The following SBNO1 variants were observed in gnomAD, a reference collection of about 807,000 sequenced individuals.
The protein encoded by SBNO1 is strawberry notch homolog 1.
In SBNO1, 23 loss-of-function variants were observed where a neutral mutation model predicts 173.6. That is an observed-to-expected ratio of 0.13 (90% CI 0.10 to 0.19). The LOEUF (loss-of-function observed/expected upper bound fraction) is 0.19. Among genes scored for constraint, SBNO1 ranks in the 10% least tolerant of loss-of-function variants. SBNO1 has a pLI of 1.00. For missense variants in SBNO1, 1,238 were observed against 1,671.2 expected, an observed-to-expected ratio of 0.74 and a Z score of 4.52; for synonymous variants, 632 against 571.5, an observed-to-expected ratio of 1.11 and a Z score of -1.51.
At chr12:123,340,016 A>G (rs898338673) in intron 5 of SBNO1, among the ~76,000 whole-genome samples, 1 of 152,136 alleles carries the variant, frequency 6.6e-6, no homozygotes, top group African/African-American at 2.4e-5. Flanking sequence ...CATAAAGTCC[A>G]CCAGGCCACT....
At chr12:123,362,252 T>C (rs558781053) in intron 1 of SBNO1, among the ~76,000 whole-genome samples, 6 of 151,098 alleles carry the variant, frequency 4.0e-5, no homozygotes, top group South Asian at 4.2e-4. Context: ...CTGGCTAACA[T>C]GGTGAAACCC....
rs1181185383 is a variant in SBNO1 at position 123,289,493 on chromosome 12, T to G, written c.*6415A>C. The G allele has an allele frequency of 2.6e-5, 4 of 152,218 alleles. No individual in the cohort carries two copies. Among genetic ancestry groups the G allele is most frequent in the Non-Finnish European group, 5.9e-5 (4 of 68,050 alleles). 9.4% of individuals were successfully genotyped at this position (152,218 alleles called of 1,614,324 possible). A position where few individuals can be genotyped will look rare whatever the true frequency, so the allele number is the denominator to read the frequency against. ...AATGAAAACACACCAAGAGCTGACA[T>G]CCACCTTTGTTTCAAGTTGTCTTTG... On this transcript the variant is annotated 3_prime_UTR_variant, in exon 32 of 32. Transcript: ENST00000602398.
rs143840613 is a variant in SBNO1 at position 123,345,413 on chromosome 12, G to C, written c.395C>G (p.Pro132Arg). 1 of 1,614,132 alleles carries C rather than the reference G, an allele frequency of 6.2e-7. No homozygotes were observed. The highest frequency in any genetic ancestry group is 1.6e-4 in the Middle Eastern group (1 of 6,062). ...TCGTACTGTTGGTGCTGAGACTGAC[G>C]GGCGTGTGCTTGCAGTAGTCTGGAT... ...KFIQTTASTR[P>R]SVSAPTVRNA... The change falls in exon 4 of 32, where the codon CCG (proline) becomes CGG (arginine). Residue 132 changes from proline (P) to arginine (R), a missense_variant. Pro to Arg is a moderately radical substitution (Grantham distance 103). Transcript: ENST00000602398.
intron 3 of SBNO1, among the ~76,000 whole-genome samples, chr12:123,347,169 T>G (rs1054901750): frequency 4.0e-5 from 6 of 151,596 alleles, no homozygotes; most frequent in Non-Finnish European, 8.8e-5. Flanking sequence ...AAAGCAGAAC[T>G]AGAGAGAGAA....
chr12:123,315,584 T>C lies in SBNO1; in HGVS notation c.3012A>G (p.Arg1004=). ...FLISELAGEQ[R]FASIVAKRLE... Reference sequence around the variant, plus strand: ...GTCTTTTAGCAACAATAGATGCAAATCTTTGTTCTCCTGCCAGTTCAGATA... The same window carrying C: ...GTCTTTTAGCAACAATAGATGCAAACCTTTGTTCTCCTGCCAGTTCAGATA... Residue 1004 remains arginine (R), a synonymous_variant, in exon 22 of 32, where the codon AGA becomes AGG. Coordinates refer to ENST00000602398, the MANE Select transcript of SBNO1 (RefSeq NM_001167856.3). 1 of 1,613,830 alleles carries C rather than the reference T, an allele frequency of 6.2e-7. No homozygotes were observed. Among genetic ancestry groups the C allele is most frequent in the Non-Finnish European group, 8.5e-7 (1 of 1,179,776 alleles).
chr12:123,320,941 G>A (rs2138966193), intron 17 of SBNO1, 75 bp from the exon 18 acceptor site: 1 of 1,230,306 alleles, frequency 8.1e-7, no homozygotes, highest in African/African-American at 1.5e-5. Context: ...AACAACCTTT[G>A]AAATTTTATT....
intron 23 of SBNO1, among the ~76,000 whole-genome samples, chr12:123,314,932 G>A (rs946381125): frequency 6.9e-6 from 1 of 144,472 alleles, no homozygotes; most frequent in Non-Finnish European, 1.5e-5. Context: ...TAGTACAGAT[G>A]TGGTTGCACC....
In SBNO1 at chr12:123,336,509, C is replaced by G; in HGVS notation, c.652-18G>C. The G allele has an allele frequency of 6.5e-7, 1 of 1,532,120 alleles. No homozygotes were observed. Among genetic ancestry groups the G allele is most frequent in the South Asian group, 1.2e-5 (1 of 86,318 alleles). The allele number at this position is 1,532,120 out of a possible 1,614,324, so 94.9% of individuals were successfully genotyped here. A position where few individuals can be genotyped will look rare whatever the true frequency, so the allele number is the denominator to read the frequency against. On this transcript the variant is annotated intron_variant, in intron 5 of 31. Transcript: ENST00000602398. ...GGAACCTTCTGCAACACAGAAAGAGCACAATCAATCCCAAATCCAGGGACC... is the reference window on the plus strand; with the variant it reads ...GGAACCTTCTGCAACACAGAAAGAGGACAATCAATCCCAAATCCAGGGACC...
At position 123,289,115 on chromosome 12, in the gene SBNO1, GTATT is replaced by G. The variant is rs2048474974; in HGVS notation, c.*6789_*6792del. ...GCAAAGAAAGCACAACCCGTGACTC[GTATT>G]TAATTTATTTAGAATCTTACAAAAA... On this transcript the variant is annotated 3_prime_UTR_variant, in exon 32 of 32. Coordinates refer to ENST00000602398, the MANE Select transcript of SBNO1 (RefSeq NM_001167856.3). 3.3e-5 allele frequency: 5 copies of G among 152,026 alleles called. No individual in the cohort carries two copies. In the South Asian group the frequency reaches 6.3e-4, roughly 19 times the overall value. 9.4% of individuals were successfully genotyped at this position (152,026 alleles called of 1,614,324 possible). A position where few individuals can be genotyped will look rare whatever the true frequency, so the allele number is the denominator to read the frequency against.
At chr12:123,331,207 T>C (rs2139003345) in intron 8 of SBNO1, 35 bp downstream of exon 8, 1 of 1,606,020 alleles carries the variant, frequency 6.2e-7, no homozygotes, top group Non-Finnish European at 8.5e-7. Context: ...CGTGATCCGC[T>C]GCGCCTGGCC....
rs550562237 is a variant in SBNO1, at chr12:123,356,924, T to G, written c.1-6483A>C. Among the ~76,000 whole-genome samples, 24 of 152,310 alleles carry G rather than the reference T, an allele frequency of 1.6e-4. No individual in the cohort carries two copies. In the South Asian group the frequency reaches 4.6e-3, roughly 29 times the overall value. On this transcript the variant is annotated intron_variant, in intron 1 of 31. Transcript: ENST00000602398. ...AATAACAAAAAGGATTTTTTTCTCC[T>G]TAGAGTGCTAAGCATGTCTGATTCG...
intron 16 of SBNO1, among the ~76,000 whole-genome samples, chr12:123,323,318 T>A (rs1870223250): frequency 6.6e-6 from 1 of 152,214 alleles, no homozygotes; most frequent in African/African-American, 2.4e-5. Context: ...TGCTTATGTT[T>A]TAATTTCAAC....
chr12:123,323,214 G>C (rs1258485386), intron 16 of SBNO1, among the ~76,000 whole-genome samples: 1 of 152,256 alleles, frequency 6.6e-6, no homozygotes, highest in East Asian at 1.9e-4. Flanking sequence ...GGGATAACTT[G>C]TGCATTCAAA....
intron 3 of SBNO1, 78 bp from the exon 4 acceptor site, chr12:123,345,648 A>G: frequency 8.1e-7 from 1 of 1,231,024 alleles, no homozygotes; most frequent in East Asian, 2.4e-5. Context: ...ACCTGGAAGG[A>G]CAACTAAAAA....
Position 123,320,026 on chromosome 12 carries a change from A to G in SBNO1, c.2673T>C (p.Thr891=). Residue 891 remains threonine, a synonymous_variant, in exon 20 of 32, where the codon ACT becomes ACC. Transcript: ENST00000602398. ...LGGPENVAEM[T]GRKGRVVSND... is the part of the protein sequence containing the mutation. Reference sequence around the variant, plus strand: ...TGCTCACAACCCGTCCCTTGCGGCCAGTCATCTGAGAAGCCAAACAATGTC... The same window carrying G: ...TGCTCACAACCCGTCCCTTGCGGCCGGTCATCTGAGAAGCCAAACAATGTC... 1 of 1,614,062 alleles carries G rather than the reference A, an allele frequency of 6.2e-7. No individual in the cohort carries two copies. The highest frequency in any genetic ancestry group is 8.5e-7 in the Non-Finnish European group (1 of 1,179,984).
At chr12:123,334,967 T>C (rs926564147) in intron 6 of SBNO1, among the ~76,000 whole-genome samples, 3 of 152,142 alleles carry the variant, frequency 2.0e-5, no homozygotes, top group African/African-American at 7.2e-5. Flanking sequence ...AGCAGGAGTA[T>C]CATTTGAGGC....
Position 123,295,978 on chromosome 12 carries a change from A to C in SBNO1, c.4112T>G (p.Leu1371Arg), listed in dbSNP as rs1593312989. Residue 1371 changes from leucine (L) to arginine (R), a missense_variant, in exon 32 of 32, where the codon CTT (leucine) becomes CGT (arginine). Transcript: ENST00000602398. ...CCATAGCTGTTTCTGTTGGACCGCA[A>C]GCTGTTGAGACTGGTCTGAAGTTGA... ...LLSTSDQSQQ[L>R]AVQQKQLWQQ... 3.1e-6 allele frequency: 5 copies of C among 1,613,970 alleles called. No homozygotes were observed. The East Asian group carries it at 1.1e-4, about 36-fold the overall frequency.
chr12:123,338,772 C>G (rs1344081988), intron 5 of SBNO1, among the ~76,000 whole-genome samples: 2 of 151,990 alleles, frequency 1.3e-5, no homozygotes, highest in Non-Finnish European at 2.9e-5. Flanking sequence ...GCTCAGGAGG[C>G]TGAGGCAGAA....
At chr12:123,341,413 A>G (rs1161145055) in intron 4 of SBNO1, among the ~76,000 whole-genome samples, 5 of 152,244 alleles carry the variant, frequency 3.3e-5, no homozygotes, top group Non-Finnish European at 7.3e-5. Context: ...GCACCACTGC[A>G]CTTCAGCCTG....
Sources: allele counts gnomAD v4.1 joint callset (sites outside exome capture counted in the v4.1 genomes callset), GRCh38; gene constraint gnomAD v4.1.1; transcripts MANE v1.5; gene names NCBI Gene and HGNC (gene_info 2026-07-23, HGNC 2026-07-21).